The following RIN3 variants were observed in gnomAD, a reference collection of about 807,000 sequenced individuals.
RIN3 encodes the protein Ras and Rab interactor 3, also known as RAB5 interacting protein 3.
In RIN3, 54 loss-of-function variants were observed where a neutral mutation model predicts 76.3. That is an observed-to-expected ratio of 0.71 (90% CI 0.57 to 0.89). The LOEUF (loss-of-function observed/expected upper bound fraction) is 0.89. Among genes scored for constraint, RIN3 ranks in the 40% least tolerant of loss-of-function variants. The pLI is 0.00. For missense variants in RIN3, 1,256 were observed against 1,322.1 expected, an observed-to-expected ratio of 0.95 and a Z score of 0.78; for synonymous variants, 576 against 564.0, an observed-to-expected ratio of 1.02 and a Z score of -0.30.
Position 92,685,096 on chromosome 14 carries a change from C to G in RIN3, c.2577C>G (p.Arg859=). 6.2e-7 allele frequency: 1 copy of G among 1,613,704 alleles called. No homozygotes were observed. Among genetic ancestry groups the G allele is most frequent in the Non-Finnish European group, 8.5e-7 (1 of 1,179,902 alleles). The change falls in exon 9 of 10, where the codon CGC becomes CGG. Residue 859 remains arginine (R), a synonymous_variant. Coordinates refer to ENST00000216487, the MANE Select transcript of RIN3 (RefSeq NM_024832.5). The surrounding 1 kb of genome is among the most constrained non-coding windows in gnomAD (Gnocchi z 4.7). ...LSVEVQDSIH[R]WERRRTLNKA... ...TGGAGGTGCAGGACTCCATCCACCG[C>G]TGGGAGCGCCGGCGTACTCTCAACA...
intron 1 of RIN3, among the ~76,000 whole-genome samples, chr14:92,547,704 A>T (rs1195173539): frequency 1.4e-5 from 2 of 144,462 alleles, no homozygotes; most frequent in Non-Finnish European, 3.0e-5. Flanking sequence ...CCTATTTAAG[A>T]TGATTGTTTT....
chr14:92,638,901 T>A (rs1460516731), intron 4 of RIN3, among the ~76,000 whole-genome samples: 1 of 152,052 alleles, frequency 6.6e-6, no homozygotes, highest in East Asian at 1.9e-4. Flanking sequence ...CCTGTCCAAC[T>A]CTTCCATAAA....
Position 92,545,125 on chromosome 14 carries a change from T to TC in RIN3, c.45-10626_45-10625insC, listed in dbSNP as rs1897229888. On this transcript the variant is annotated intron_variant, in intron 1 of 9. Transcript: ENST00000216487. ...TCTGGTGTTTTTTTTTTTTTTTTTT[T>TC]TTGAGACGGAGTCTTGCTCTGTCCC... Among the ~76,000 whole-genome samples, 14 of 147,474 alleles carry TC rather than the reference T, an allele frequency of 9.5e-5. No individual in the cohort carries two copies. In the South Asian group the frequency reaches 3.1e-3, roughly 32 times the overall value.
intron 3 of RIN3, among the ~76,000 whole-genome samples, chr14:92,612,421 A>G (rs1885777660): frequency 6.6e-6 from 1 of 152,220 alleles, no homozygotes; most frequent in Non-Finnish European, 1.5e-5. Flanking sequence ...GACTTCCTCA[A>G]GTCCAAGGTG....
intron 3 of RIN3, among the ~76,000 whole-genome samples, chr14:92,600,743 C>T (rs1165618299): frequency 1.3e-5 from 2 of 152,250 alleles, no homozygotes; most frequent in East Asian, 3.8e-4. Flanking sequence ...CTCTCTCGAG[C>T]AGGGTGTCTG....
At chr14:92,544,414 T>TGGGGGGGG (rs71123353) in intron 1 of RIN3, among the ~76,000 whole-genome samples, 56 of 74,554 alleles carry the variant, frequency 7.5e-4, no homozygotes, top group Middle Eastern at 8.2e-3. Flanking sequence ...GTGACAGCTG[T>TGGGGGGGG]GGGGGGGGGG....
intron 1 of RIN3, among the ~76,000 whole-genome samples, chr14:92,544,797 T>C (rs1271569442): frequency 6.6e-6 from 1 of 152,186 alleles, no homozygotes; most frequent in Admixed American, 6.5e-5. Context: ...GCTTTGTTAA[T>C]TCCTATCACT....
chr14:92,662,272 T>C (rs1227202524), intron 7 of RIN3, among the ~76,000 whole-genome samples: 1 of 100,840 alleles, frequency 9.9e-6, no homozygotes, highest in African/African-American at 5.8e-5. Flanking sequence ...CTCAGAGGTG[T>C]CCTACAGGGA....
Position 92,513,797 on chromosome 14 carries a change from C to G in RIN3, c.-136C>G. The G allele has an allele frequency of 2.2e-6, 1 of 460,332 alleles. No homozygotes were observed. The highest frequency in any genetic ancestry group is 3.5e-6 in the Non-Finnish European group (1 of 287,280). 28.5% of individuals were successfully genotyped at this position (460,332 alleles called of 1,614,324 possible). Reference sequence around the variant, plus strand: ...ACAGGAAGTAGAAGGGAGCGAGAGCCCCAGAGCGCGGCGGCAGCGGCGGCC... The same window carrying G: ...ACAGGAAGTAGAAGGGAGCGAGAGCGCCAGAGCGCGGCGGCAGCGGCGGCC... On this transcript the variant is annotated 5_prime_UTR_variant, in exon 1 of 10. Coordinates refer to ENST00000216487, the MANE Select transcript of RIN3 (RefSeq NM_024832.5).
Position 92,651,882 on chromosome 14 carries a change from G to GCTGCCCCCCCCCCCCCCCCCCC in RIN3, c.834_835insTGCCCCCCCCCCCCCCCCCCCC (p.Arg279CysfsTer152). 1 of 1,554,468 alleles carries GCTGCCCCCCCCCCCCCCCCCCC rather than the reference G, an allele frequency of 6.4e-7. No homozygotes were observed. The highest frequency in any genetic ancestry group is 8.7e-7 in the Non-Finnish European group (1 of 1,153,208). On this transcript the variant is annotated frameshift_variant, in exon 6 of 10. Transcript: ENST00000216487. LOFTEE classifies it high-confidence loss of function. ...TCACCCACCTCCAGGTGGGCCCCACGCCGCCCACCACCCCCTCCCCCAGTG... is the reference window on the plus strand; with the variant it reads ...TCACCCACCTCCAGGTGGGCCCCACGCTGCCCCCCCCCCCCCCCCCCCCCGCCCACCACCCCCTCCCCCAGTG...
At chr14:92,541,259 C>T (rs1897126380) in intron 1 of RIN3, among the ~76,000 whole-genome samples, 1 of 152,152 alleles carries the variant, frequency 6.6e-6, no homozygotes, top group African/African-American at 2.4e-5. Context: ...GTGATTCCAC[C>T]CTCCAGATCC....
In RIN3 at chr14:92,652,999, G is replaced by T. The variant is rs750087347; in HGVS notation, c.1950G>T (p.Gln650His). The T allele has an allele frequency of 6.2e-7, 1 of 1,612,734 alleles. No homozygotes were observed. Among genetic ancestry groups the T allele is most frequent in the Admixed American group, 1.7e-5 (1 of 60,008 alleles). ...MLQEIRTMMT[Q>H]LKSYLLQSTE... ...AGGAGATTCGCACCATGATGACCCAGCTCAAGAGCTACCTGCTGCAGAGCA... is the reference window on the plus strand; with the variant it reads ...AGGAGATTCGCACCATGATGACCCATCTCAAGAGCTACCTGCTGCAGAGCA... Residue 650 changes from glutamine to histidine, a missense_variant, in exon 6 of 10, where the codon CAG (glutamine) becomes CAT (histidine). By Grantham distance (24) the Gln-to-His change is conservative. This residue lies in a region of RIN3 where 428 missense variants were observed against 521.2 expected (regional missense o/e 0.82). Transcript: ENST00000216487. This position sits in a 1 kb window ranked among gnomAD's most constrained non-coding sequence, Gnocchi z 6.4.
At chr14:92,674,659 C>T (rs868425948) in intron 7 of RIN3, among the ~76,000 whole-genome samples, 4 of 151,870 alleles carry the variant, frequency 2.6e-5, no homozygotes, top group East Asian at 3.9e-4. Context: ...GAGGCTGAGA[C>T]GGGCGGATCA....
Position 92,626,059 on chromosome 14 carries a change from T to A in RIN3, c.440+10580T>A, listed in dbSNP as rs569329300. 2.0e-5 allele frequency among the ~76,000 whole-genome samples: 3 copies of A among 152,276 alleles called. No individual in the cohort carries two copies. In the East Asian group the frequency reaches 5.8e-4, roughly 29 times the overall value. On this transcript the variant is annotated intron_variant, in intron 4 of 9. Transcript: ENST00000216487. ...TGTTCCCTTAGTCTTTCTAGAAATT[T>A]CATGGGCCCTTCATCTTTTTCCTGT... is the stretch of plus-strand genomic sequence containing the variant.
At chr14:92,519,795 C>T (rs1424570583) in intron 1 of RIN3, among the ~76,000 whole-genome samples, 1 of 152,236 alleles carries the variant, frequency 6.6e-6, no homozygotes, top group African/African-American at 2.4e-5. Flanking sequence ...TCCCTCCTGC[C>T]AGCGTGGCCT....
Position 92,685,011 on chromosome 14 carries a change from A to G in RIN3, c.2492A>G (p.Tyr831Cys). The G allele has an allele frequency of 6.2e-7, 1 of 1,613,690 alleles. No homozygotes were observed. Among genetic ancestry groups the G allele is most frequent in the Non-Finnish European group, 8.5e-7 (1 of 1,179,674 alleles). Reference sequence around the variant, plus strand: ...GGTTCCTACTATCTGACCACCACCTACGGGGCCCTGGAGCACATCAAGAGC... The same window carrying G: ...GGTTCCTACTATCTGACCACCACCTGCGGGGCCCTGGAGCACATCAAGAGC... ...GEGSYYLTTT[Y>C]GALEHIKSYD... Residue 831 changes from tyrosine (Y) to cysteine (C), a missense_variant, in exon 9 of 10, where the codon TAC becomes TGC. Physicochemically the swap from Tyr to Cys is radical, Grantham distance 194. This residue lies in a region of RIN3 where 428 missense variants were observed against 521.2 expected (regional missense o/e 0.82). Transcript: ENST00000216487. The surrounding 1 kb of genome is among the most constrained non-coding windows in gnomAD (Gnocchi z 4.7).
intron 3 of RIN3, among the ~76,000 whole-genome samples, chr14:92,584,491 C>A (rs1415612699): frequency 6.6e-6 from 1 of 152,190 alleles, no homozygotes; most frequent in Admixed American, 6.5e-5. Context: ...CCATTTTGAA[C>A]AAGCATTATG....
intron 1 of RIN3, among the ~76,000 whole-genome samples, chr14:92,536,055 A>G (rs1010192875): frequency 7.9e-5 from 12 of 152,028 alleles, no homozygotes; most frequent in Non-Finnish European, 1.0e-4. Context: ...GTGCGGCTCT[A>G]TTTCTGGACT....
intron 3 of RIN3, among the ~76,000 whole-genome samples, chr14:92,611,862 A>G (rs761318350): frequency 1.4e-4 from 21 of 152,212 alleles, no homozygotes; most frequent in Middle Eastern, 3.2e-3. Flanking sequence ...TGCAGGCTGT[A>G]CAGGAAGCAT....
Sources: allele counts gnomAD v4.1 joint callset (sites outside exome capture counted in the v4.1 genomes callset), GRCh38; gene constraint gnomAD v4.1.1; regional missense constraint gnomAD v4.1.1; non-coding constraint Gnocchi (gnomAD v3.1); transcripts MANE v1.5; gene names NCBI Gene and HGNC (gene_info 2026-07-23, HGNC 2026-07-21).